The following MDGA1 variants were observed in gnomAD, a reference collection of about 807,000 sequenced individuals.
MDGA1 encodes the protein MAM domain containing glycosylphosphatidylinositol anchor 1.
MDGA1 carries 54 observed loss-of-function variants against 101.5 expected under a neutral mutation model. That is an observed-to-expected ratio of 0.53 (90% confidence interval 0.43 to 0.67). MDGA1 has a LOEUF of 0.67. Among genes scored for constraint, MDGA1 ranks in the 30% least tolerant of loss-of-function variants. The pLI, the probability that MDGA1 is intolerant of heterozygous loss-of-function variation, is 0.00. For missense variants in MDGA1, 1,083 were observed against 1,323.8 expected, an observed-to-expected ratio of 0.82 and a Z score of 2.82; for synonymous variants, 533 against 558.3, an observed-to-expected ratio of 0.95 and a Z score of 0.64.
intron 1 of MDGA1, among the ~76,000 whole-genome samples, chr6:37,681,311 C>T (rs1001339162): frequency 1.2e-4 from 19 of 152,162 alleles, no homozygotes; most frequent in Non-Finnish European, 2.2e-4. Flanking sequence ...AGGCCAGCCT[C>T]GGCCTGCCCC....
At chr6:37,690,483 TTAA>T (rs1390321256) in intron 1 of MDGA1, among the ~76,000 whole-genome samples, 2 of 152,180 alleles carry the variant, frequency 1.3e-5, no homozygotes, top group African/African-American at 4.8e-5. Flanking sequence ...TTAGCAATGT[TTAA>T]TATTATTCCT....
At chr6:37,684,762 A>G (rs1422813372) in intron 1 of MDGA1, among the ~76,000 whole-genome samples, 1 of 152,174 alleles carries the variant, frequency 6.6e-6, no homozygotes, top group African/African-American at 2.4e-5. Flanking sequence ...TCTACCCTGT[A>G]GTCTTATTCC....
chr6:37,674,124 A>G (rs1300152707), intron 1 of MDGA1, among the ~76,000 whole-genome samples: 1 of 152,086 alleles, frequency 6.6e-6, no homozygotes, highest in African/African-American at 2.4e-5. Context: ...CCCTGCTGCA[A>G]ACCATATTAA....
chr6:37,666,113 C>T (rs527758757), intron 1 of MDGA1, among the ~76,000 whole-genome samples: 2 of 150,860 alleles, frequency 1.3e-5, no homozygotes, highest in East Asian at 1.9e-4. Context: ...TTTGGGAGGC[C>T]GAGGCGGGTG....
At chr6:37,662,593 A>C (rs538345103) in intron 2 of MDGA1, among the ~76,000 whole-genome samples, 27 of 148,022 alleles carry the variant, frequency 1.8e-4, no homozygotes, top group African/African-American at 6.7e-4. Context: ...CTGTGATCAC[A>C]CCACTGCACT....
intron 1 of MDGA1, among the ~76,000 whole-genome samples, chr6:37,670,298 C>T (rs1761840523): frequency 1.3e-5 from 2 of 152,150 alleles, no homozygotes; most frequent in African/African-American, 2.4e-5. Flanking sequence ...GCTATGCACC[C>T]GTACACATGC....
chr6:37,680,857 G>A (rs942258962), intron 1 of MDGA1, among the ~76,000 whole-genome samples: 12 of 152,244 alleles, frequency 7.9e-5, no homozygotes, highest in Non-Finnish European at 1.6e-4. Context: ...CCAGTGCCTG[G>A]GAGAGAGGCT....
In MDGA1 at chr6:37,634,684, T is replaced by C. The variant is rs1776447; in HGVS notation, c.*2684A>G. 125,570 of 152,578 alleles carry C rather than the reference T, an allele frequency of 0.82. 52,303 individuals are homozygous for C. Among genetic ancestry groups the C allele is most frequent in the East Asian group, 1 (5,161 of 5,184 alleles). The allele number at this position is 152,578 out of a possible 1,614,324, so 9.5% of individuals were successfully genotyped here. A position where few individuals can be genotyped will look rare whatever the true frequency, so the allele number is the denominator to read the frequency against. The stretch of plus-strand genomic sequence containing the variant: ...GGACCTCAGCATTTCAGCAGACACA[T>C]TTTGTCAATCCCAGGTCAAGCCATC... On this transcript the variant is annotated 3_prime_UTR_variant, in exon 17 of 17. Transcript: ENST00000434837. The surrounding 1 kb of genome is among the most constrained non-coding windows in gnomAD (Gnocchi z 4.7).
At chr6:37,647,963 G>T (rs1761253166) in intron 9 of MDGA1, among the ~76,000 whole-genome samples, 1 of 152,176 alleles carries the variant, frequency 6.6e-6, no homozygotes, top group Non-Finnish European at 1.5e-5. Flanking sequence ...CTGAATGGGG[G>T]ACAGACATCC....
At position 37,646,366 on chromosome 6, in the gene MDGA1, G is replaced by T. The variant is rs1313567620; in HGVS notation, c.2056C>A (p.His686Asn). ...YRLSIRQLNQ[H>N]NAVVKAIPVR... Reference sequence around the variant, plus strand: ...GGGATGGCCTTGACCACCGCATTGTGCTGGTTCAACTGTTAAGTACAGAGA... The same window carrying T: ...GGGATGGCCTTGACCACCGCATTGTTCTGGTTCAACTGTTAAGTACAGAGA... The change falls in exon 11 of 17, where the codon CAC (histidine) becomes AAC (asparagine). Residue 686 changes from histidine to asparagine, a missense_variant. Physicochemically the swap from His to Asn is moderately conservative, Grantham distance 68 (BLOSUM62 1). Transcript: ENST00000434837. The T allele has an allele frequency of 6.6e-7, 1 of 1,523,264 alleles. No individual in the cohort carries two copies. Among genetic ancestry groups the T allele is most frequent in the South Asian group, 1.3e-5 (1 of 76,988 alleles). The allele number at this position is 1,523,264 out of a possible 1,614,324, so 94.4% of individuals were successfully genotyped here. A position where few individuals can be genotyped will look rare whatever the true frequency, so the allele number is the denominator to read the frequency against.
Position 37,638,333 on chromosome 6 carries a change from C to T in MDGA1, c.2668-20G>A. ...AATAATCTGGGGTGGGGTCAGAAAG[C>T]AAGGAGCAAGGGTTGAGGAGGTTCT... On this transcript the variant is annotated intron_variant, in intron 15 of 16. Coordinates refer to ENST00000434837, the MANE Select transcript of MDGA1 (RefSeq NM_153487.4). The surrounding 1 kb of genome is among the most constrained non-coding windows in gnomAD (Gnocchi z 4.8). The T allele has an allele frequency of 6.3e-7, 1 of 1,585,214 alleles. No homozygotes were observed. The highest frequency in any genetic ancestry group is 8.6e-7 in the Non-Finnish European group (1 of 1,163,126).
intron 1 of MDGA1, among the ~76,000 whole-genome samples, chr6:37,691,449 T>A (rs1762306408): frequency 6.6e-6 from 1 of 152,192 alleles, no homozygotes; most frequent in African/African-American, 2.4e-5. Context: ...GGGATTGTTG[T>A]TCTGACCAAC....
In MDGA1 at chr6:37,646,332, C is replaced by A. The variant is rs368133748; in HGVS notation, c.2090G>T (p.Arg697Leu). Residue 697 changes from arginine to leucine, a missense_variant, in exon 11 of 17, where the codon CGT becomes CTT. By Grantham distance (102) the Arg-to-Leu change is moderately radical (BLOSUM62 -2). Transcript: ENST00000434837. The part of the protein sequence containing the change: ...NAVVKAIPVR[R>L]VEKGQLLEYI... ...CTCCAGCAGCTGCCCCTTCTCCACA[C>A]GCCGGACCGGGATGGCCTTGACCAC... 1.3e-6 allele frequency: 2 copies of A among 1,581,864 alleles called. No individual in the cohort carries two copies. The highest frequency in any genetic ancestry group is 1.7e-6 in the Non-Finnish European group (2 of 1,163,074).
chr6:37,689,138 T>TGTCACAGACCCTCGG (rs2114107287), intron 1 of MDGA1, among the ~76,000 whole-genome samples: 1 of 152,250 alleles, frequency 6.6e-6, no homozygotes, highest in Admixed American at 6.5e-5. Flanking sequence ...TCACAGACTC[T>TGTCACAGACCCTCGG]GTCACAGACC....
chr6:37,671,084 T>C (rs572937010), intron 1 of MDGA1, among the ~76,000 whole-genome samples: 1 of 152,332 alleles, frequency 6.6e-6, no homozygotes, highest in African/African-American at 2.4e-5. Context: ...TTTACTCTCC[T>C]GATTTCTATC....
chr6:37,643,713 GCC>G, intron 14 of MDGA1, 94 bp downstream of exon 14: 1 of 1,523,792 alleles, frequency 6.6e-7, no homozygotes, highest in Non-Finnish European at 8.9e-7. Context: ...GGAAGCTGAG[GCC>G]TCACATGGGC....
In MDGA1 at chr6:37,644,591, G is replaced by T. The variant is rs1381690957; in HGVS notation, c.2307C>A (p.Asp769Glu). 1 of 1,609,414 alleles carries T rather than the reference G, an allele frequency of 6.2e-7. No individual in the cohort carries two copies. Among genetic ancestry groups the T allele is most frequent in the Admixed American group, 1.7e-5 (1 of 59,426 alleles). The change falls in exon 13 of 17, where the codon GAC becomes GAA. Residue 769 changes from aspartate to glutamate, a missense_variant. By Grantham distance (45) the Asp-to-Glu change is conservative. This residue lies in a region of MDGA1 where 657 missense variants were observed against 771.4 expected (regional missense o/e 0.85). Coordinates refer to ENST00000434837, the MANE Select transcript of MDGA1 (RefSeq NM_153487.4). ...KICGYTQDLT[D>E]NFDWTRQNAL... is the part of the protein sequence containing the mutation. The stretch of plus-strand genomic sequence containing the variant: ...CATTCTGCCGCGTCCAGTCAAAGTT[G>T]TCTGTCAGGTCCTGGGTATAGCCAC...
intron 1 of MDGA1, among the ~76,000 whole-genome samples, chr6:37,695,439 C>T (rs774869459): frequency 6.6e-5 from 10 of 152,236 alleles, no homozygotes; most frequent in African/African-American, 9.6e-5. Context: ...AAGAGACACA[C>T]AAACTAATTA....
Position 37,655,951 on chromosome 6 carries a change from G to A in MDGA1, c.383-55C>T, listed in dbSNP as rs914970847. 21 of 1,477,456 alleles carry A rather than the reference G, an allele frequency of 1.4e-5. No homozygotes were observed. In the African/African-American group the frequency reaches 2.8e-4, roughly 20 times the overall value. 91.5% of individuals were successfully genotyped at this position (1,477,456 alleles called of 1,614,324 possible). ...GACTGGGTGACCCCAAGGTTGGGGGGCTCAGGCTCCTGGCAGCCCTTAGGA... is the reference window on the plus strand; with the variant it reads ...GACTGGGTGACCCCAAGGTTGGGGGACTCAGGCTCCTGGCAGCCCTTAGGA... On this transcript the variant is annotated intron_variant, in intron 3 of 16. Coordinates refer to ENST00000434837, the MANE Select transcript of MDGA1 (RefSeq NM_153487.4). This position sits in a 1 kb window ranked among gnomAD's most constrained non-coding sequence, Gnocchi z 5.1.
Sources: allele counts gnomAD v4.1 joint callset (sites outside exome capture counted in the v4.1 genomes callset), GRCh38; gene constraint gnomAD v4.1.1; regional missense constraint gnomAD v4.1.1; non-coding constraint Gnocchi (gnomAD v3.1); transcripts MANE v1.5; gene names NCBI Gene and HGNC (gene_info 2026-07-23, HGNC 2026-07-21).